The following NFASC variants were observed in gnomAD, a reference collection of about 807,000 sequenced individuals.
NFASC encodes the protein neurofascin homolog.
In NFASC, 43 loss-of-function variants were observed where a neutral mutation model predicts 147.5. The ratio of observed to expected loss-of-function variants is 0.29; its 90% confidence interval spans 0.23 to 0.38. NFASC has a LOEUF of 0.38. Ranked by LOEUF, NFASC falls within the 10% of genes least tolerant of loss-of-function variation. The probability of loss-of-function intolerance (pLI) is 1.00; values close to 1 mark genes in which losing one functional copy is unlikely to be tolerated. For synonymous variants in NFASC, 622 were observed against 665.5 expected (o/e 0.93, Z 1.01); for missense variants, 1,320 against 1,689.0 (o/e 0.78, Z 3.83).
At chr1:204,829,067 C>T (rs1571764359) in intron 1 of NFASC, among the ~76,000 whole-genome samples, 1 of 136,818 alleles carries the variant, frequency 7.3e-6, no homozygotes, top group Middle Eastern at 3.5e-3. Context: ...CATCCTCAAC[C>T]CTTTCCCTTT....
At chr1:204,965,003 A>G (rs1226338506) in intron 8 of NFASC, among the ~76,000 whole-genome samples, 1 of 152,156 alleles carries the variant, frequency 6.6e-6, no homozygotes, top group African/African-American at 2.4e-5. Flanking sequence ...CCAGAAACCC[A>G]TGGACCCACT....
At position 204,939,732 on chromosome 1, in the gene NFASC, G is replaced by C. The variant is rs186318199; in HGVS notation, c.-90-4494G>C. Among the ~76,000 whole-genome samples, 19 of 152,394 alleles carry C rather than the reference G, an allele frequency of 1.2e-4. No individual in the cohort carries two copies. In the East Asian group the frequency reaches 3.5e-3, roughly 28 times the overall value. On this transcript the variant is annotated intron_variant, in intron 2 of 29. Coordinates refer to ENST00000339876, the MANE Select transcript of NFASC (RefSeq NM_001005388.3). ...GCAAGACTGTGCAATGACTAAGGTT[G>C]AATGGGAAGTGTGGACTTGATTGCT...
At chr1:204,946,779 C>G in intron 3 of NFASC, 1 of 514,552 alleles carries the variant, frequency 1.9e-6, no homozygotes. Context: ...CTTCCCGAGG[C>G]CCCCACCATC....
chr1:204,934,137 CAAAAA>C (rs10633193), intron 2 of NFASC, among the ~76,000 whole-genome samples: 9 of 113,516 alleles, frequency 7.9e-5, no homozygotes, highest in African/African-American at 3.4e-5. Context: ...GACTCCATTT[CAAAAA>C]AAAAAAAAAA....
rs762957933 is a variant in NFASC at position 205,001,127 on chromosome 1, A to AT, written c.3020-43_3020-42insT. The AT allele has an allele frequency of 8.5e-6, 10 of 1,170,552 alleles. No individual in the cohort carries two copies. The African/African-American group carries it at 1.4e-4, about 16-fold the overall frequency. The allele number at this position is 1,170,552 out of a possible 1,614,324, so 72.5% of individuals were successfully genotyped here. A position where few individuals can be genotyped will look rare whatever the true frequency, so the allele number is the denominator to read the frequency against. On this transcript the variant is annotated intron_variant, in intron 25 of 29. Transcript: ENST00000339876. ...TGTGTGTCTCCATATCTCTGGTGCC[A>AT]CTCCCTCCTCATCACTAACCCCTTT...
intron 2 of NFASC, among the ~76,000 whole-genome samples, chr1:204,921,460 TGGG>T (rs2090462898): frequency 1.3e-5 from 2 of 152,198 alleles, no homozygotes; most frequent in Non-Finnish European, 2.9e-5. Context: ...TCTTTGAGTT[TGGG>T]CATCTCTACC....
chr1:204,838,388 T>A (rs1448175222), intron 1 of NFASC, among the ~76,000 whole-genome samples: 1 of 152,156 alleles, frequency 6.6e-6, no homozygotes, highest in Non-Finnish European at 1.5e-5. Context: ...TGAGTGGGGG[T>A]AAGTTTGACC....
intron 2 of NFASC, among the ~76,000 whole-genome samples, chr1:204,937,966 T>C (rs2093018316): frequency 6.6e-6 from 1 of 152,138 alleles, no homozygotes; most frequent in South Asian, 2.1e-4. Flanking sequence ...AGCCCAAAAG[T>C]CTGAGATGGC....
intron 3 of NFASC, among the ~76,000 whole-genome samples, chr1:204,949,584 C>T (rs972870625): frequency 5.3e-5 from 8 of 152,236 alleles, no homozygotes; most frequent in Non-Finnish European, 1.2e-4. Flanking sequence ...CACATTTTAA[C>T]CAAGACCTTG....
chr1:204,906,647 A>G (rs1221741074), intron 1 of NFASC, among the ~76,000 whole-genome samples: 2 of 152,024 alleles, frequency 1.3e-5, no homozygotes, highest in African/African-American at 4.8e-5. Context: ...ATAAACTGCT[A>G]TAAATATTCT....
chr1:204,973,987 A>T (rs555729570), intron 12 of NFASC, among the ~76,000 whole-genome samples, 192 bp from the exon 13 acceptor site: 1 of 152,278 alleles, frequency 6.6e-6, no homozygotes, highest in East Asian at 1.9e-4. Context: ...GGTTGAGGGC[A>T]GAGGACGTAG....
intron 27 of NFASC, among the ~76,000 whole-genome samples, chr1:205,007,965 G>A: frequency 6.6e-6 from 1 of 152,194 alleles, no homozygotes; most frequent in East Asian, 1.9e-4. Flanking sequence ...AGGAGTGGAA[G>A]CAGGGATGGG....
intron 3 of NFASC, chr1:204,946,350 TAG>T (rs1360046464): frequency 3.9e-6 from 2 of 511,776 alleles, no homozygotes; most frequent in Admixed American, 3.9e-5. Context: ...GCCTGCGGGT[TAG>T]AGACAAGGAA....
Position 204,991,208 on chromosome 1 carries a change from G to C in NFASC, c.2768-84G>C, listed in dbSNP as rs554976108. ...GAACCTTCCCTGCTTTCCTTGTCCT[G>C]TGGTCTCACTTGTGCTCTGTTTTCT... On this transcript the variant is annotated intron_variant, in intron 23 of 29. Transcript: ENST00000339876. The C allele has an allele frequency of 4.5e-5, 67 of 1,478,710 alleles. No individual in the cohort carries two copies. The African/African-American group carries it at 8.9e-4, about 20-fold the overall frequency. The allele number at this position is 1,478,710 out of a possible 1,614,324, so 91.6% of individuals were successfully genotyped here. A position where few individuals can be genotyped will look rare whatever the true frequency, so the allele number is the denominator to read the frequency against.
chr1:204,919,548 G>A (rs567822935), intron 1 of NFASC, among the ~76,000 whole-genome samples: 112 of 152,172 alleles, frequency 7.4e-4, no homozygotes, highest in Non-Finnish European at 7.2e-4. Flanking sequence ...GGGATTGTTG[G>A]GTCAAAGAGT....
rs202239718 is a variant in NFASC, at chr1:204,954,299, G to A, written c.327G>A (p.Pro109=). ...LVIDFRSGGR[P]EEYEGEYQCF... is the part of the protein sequence containing the mutation. ...TTGACTTCCGCAGTGGCGGGCGGCC[G>A]GAGGAATATGAGGGGGAATATCAGT... The change falls in exon 6 of 30, where the codon CCG becomes CCA. Residue 109 remains proline (P), a synonymous_variant. Transcript: ENST00000339876. This position sits in a 1 kb window ranked among gnomAD's most constrained non-coding sequence, Gnocchi z 5.7. 81 of 1,614,010 alleles carry A rather than the reference G, an allele frequency of 5.0e-5. No homozygotes were observed. Among genetic ancestry groups the A allele is most frequent in the East Asian group, 3.3e-4 (15 of 44,880 alleles).
chr1:204,920,360 T>A (rs1238625595), intron 1 of NFASC, among the ~76,000 whole-genome samples: 3 of 151,798 alleles, frequency 2.0e-5, no homozygotes, highest in Non-Finnish European at 2.9e-5. Context: ...GCAATTAGAC[T>A]GTGGTGTCAG....
chr1:204,927,480 C>G (rs1487330264), intron 2 of NFASC, among the ~76,000 whole-genome samples: 1 of 152,156 alleles, frequency 6.6e-6, no homozygotes, highest in Non-Finnish European at 1.5e-5. Context: ...CTGGGTCATA[C>G]TGTAGGTCTG....
Position 205,002,602 on chromosome 1 carries a change from A to G in NFASC, c.3143A>G (p.His1048Arg). Reference protein sequence around the residue: ...DFVVEYIDSNHTKKTVPVKAQ... With the variant: ...DFVVEYIDSNRTKKTVPVKAQ... Reference sequence around the variant, plus strand: ...TGAGGTTTCTGTTCCCCAGGCAACCATACGAAAAAAACTGTCCCAGTTAAG... The same window carrying G: ...TGAGGTTTCTGTTCCCCAGGCAACCGTACGAAAAAAACTGTCCCAGTTAAG... Residue 1048 changes from histidine (H) to arginine (R), a missense_variant, in exon 27 of 30, where the codon CAT becomes CGT. Physicochemically the swap from His to Arg is conservative, Grantham distance 29. This residue lies in a region of NFASC where 172 missense variants were observed against 165.8 expected (regional missense o/e 1.04). Transcript: ENST00000339876. The G allele has an allele frequency of 6.6e-7, 1 of 1,517,096 alleles. No homozygotes were observed. Among genetic ancestry groups the G allele is most frequent in the Non-Finnish European group, 9.0e-7 (1 of 1,115,854 alleles). The allele number at this position is 1,517,096 out of a possible 1,614,324, so 94.0% of individuals were successfully genotyped here. A position where few individuals can be genotyped will look rare whatever the true frequency, so the allele number is the denominator to read the frequency against.
Sources: allele counts gnomAD v4.1 joint callset (sites outside exome capture counted in the v4.1 genomes callset), GRCh38; gene constraint gnomAD v4.1.1; regional missense constraint gnomAD v4.1.1; non-coding constraint Gnocchi (gnomAD v3.1); transcripts MANE v1.5; gene names NCBI Gene and HGNC (gene_info 2026-07-23, HGNC 2026-07-21).